ZNF512B: variants seen among roughly 807,000 people sequenced by gnomAD.
ZNF512B encodes the protein zinc finger protein 512B.
In ZNF512B, 22 loss-of-function variants were observed where a neutral mutation model predicts 87.8. That is an observed-to-expected ratio of 0.25 (90% CI 0.18 to 0.36). The LOEUF is 0.36. Among genes scored for constraint, ZNF512B ranks in the 10% least tolerant of loss-of-function variants. The pLI is 1.00. For missense variants in ZNF512B, 1,060 were observed against 1,231.6 expected (o/e 0.86, Z 2.09); for synonymous variants, 524 against 490.9 (o/e 1.07, Z -0.89).
At chr20:63,962,055 A>G in intron 14 of ZNF512B, 51 bp from the exon 15 acceptor site, 1 of 1,534,548 alleles carries the variant, frequency 6.5e-7, no homozygotes, top group Non-Finnish European at 8.8e-7. Context: ...ACCCCACACC[A>G]AGATATACCC....
intron 1 of ZNF512B, among the ~76,000 whole-genome samples, chr20:63,968,793 G>A (rs2058952987): frequency 6.6e-6 from 1 of 152,252 alleles, no homozygotes; most frequent in Non-Finnish European, 1.5e-5. Context: ...GAAGGCCCAG[G>A]ATGCTGGCCA....
rs572063904 is a variant in ZNF512B at position 63,964,096 on chromosome 20, C to T, written c.1455G>A (p.Pro485=). ...CTGGAGCTGGGTGGGCCACAGGGGC[C>T]GGTGCCTCCTTGCTGACAGTGATGG... The part of the protein sequence containing the change: ...AAPITVSKEA[P]APVAHPAPGG... The change falls in exon 8 of 17, where the codon CCG becomes CCA. Residue 485 remains proline (P), a synonymous_variant. Transcript: ENST00000369888. The T allele has an allele frequency of 4.8e-5, 77 of 1,609,712 alleles. No individual in the cohort carries two copies. Among genetic ancestry groups the T allele is most frequent in the African/African-American group, 4.5e-4 (34 of 74,872 alleles).
chr20:63,966,207 A>G lies in ZNF512B; in HGVS notation c.968T>C (p.Met323Thr). The G allele has an allele frequency of 6.2e-7, 1 of 1,613,896 alleles. No individual in the cohort carries two copies. The highest frequency in any genetic ancestry group is 1.3e-5 in the African/African-American group (1 of 75,030). ...AISRHTPPCK[M>T]VLLTRSENKA... ...GTTCTCCGACCTGGTCAGCAGCACC[A>G]TTTTGCAGGGCGGTGTGTGTCTGCT... Residue 323 changes from methionine (M) to threonine (T), a missense_variant, in exon 5 of 17, where the codon ATG (methionine) becomes ACG (threonine). By Grantham distance (81) the Met-to-Thr change is moderately conservative. Transcript: ENST00000369888.
chr20:63,966,116 C>T, intron 5 of ZNF512B, 25 bp downstream of exon 5: 2 of 1,190,176 alleles, frequency 1.7e-6, no homozygotes, highest in Non-Finnish European at 2.3e-6. Flanking sequence ...ACTGTTCCTC[C>T]CCGACCTGGG....
At position 63,966,876 on chromosome 20, in the gene ZNF512B, C is replaced by G; in HGVS notation, c.393G>C (p.Gly131=). The G allele has an allele frequency of 6.2e-7, 1 of 1,613,836 alleles. No homozygotes were observed. Among genetic ancestry groups the G allele is most frequent in the Non-Finnish European group, 8.5e-7 (1 of 1,180,022 alleles). ...GLKYHYQRCQ[G]GAISDRLAFP... ...TCTCCCCCGACCCACAGTCCCTTACCCCTTGGCACCGCTGGTAATGGTACT... is the reference window on the plus strand; with the variant it reads ...TCTCCCCCGACCCACAGTCCCTTACGCCTTGGCACCGCTGGTAATGGTACT... Residue 131 remains glycine, a splice_region_variant and synonymous_variant, in exon 4 of 17, where the codon GGG becomes GGC. Coordinates refer to ENST00000369888, the MANE Select transcript of ZNF512B (RefSeq NM_020713.3).
Position 63,966,935 on chromosome 20 carries a change from A to G in ZNF512B, c.334T>C (p.Cys112Arg). The G allele has an allele frequency of 6.2e-7, 1 of 1,613,810 alleles. No individual in the cohort carries two copies. The highest frequency in any genetic ancestry group is 8.5e-7 in the Non-Finnish European group (1 of 1,180,018). Residue 112 changes from cysteine to arginine, a missense_variant, in exon 4 of 17, where the codon TGC (cysteine) becomes CGC (arginine). Physicochemically the swap from Cys to Arg is radical, Grantham distance 180. Coordinates refer to ENST00000369888, the MANE Select transcript of ZNF512B (RefSeq NM_020713.3). ...HSRVKCPNSGCWLEFPSIYGL... is the reference protein window; with the variant it reads ...HSRVKCPNSGRWLEFPSIYGL... Reference sequence around the variant, plus strand: ...TAGATGCTGGGGAACTCCAGCCAGCACCCTGAGTTTGGACACTTCACCCTC... The same window carrying G: ...TAGATGCTGGGGAACTCCAGCCAGCGCCCTGAGTTTGGACACTTCACCCTC...
At chr20:63,968,215 C>A (rs1280358941) in intron 1 of ZNF512B, among the ~76,000 whole-genome samples, 1 of 152,232 alleles carries the variant, frequency 6.6e-6, no homozygotes, top group East Asian at 1.9e-4. Flanking sequence ...CCCTCACCAA[C>A]TTCCAGACCC....
Position 63,966,380 on chromosome 20 carries a change from C to T in ZNF512B, c.795G>A (p.Pro265=), listed in dbSNP as rs778398826. 12 of 1,613,494 alleles carry T rather than the reference C, an allele frequency of 7.4e-6. No individual in the cohort carries two copies. The highest frequency in any genetic ancestry group is 4.5e-5 in the East Asian group (2 of 44,898). ...TKPITVTKSV[P]VTKPVPVTKP... ...TGGTGACAGGTACGGGTTTGGTGAC[C>T]GGCACAGACTTGGTGACTGTGATGG... is the stretch of plus-strand genomic sequence containing the variant. Residue 265 remains proline, a synonymous_variant, in exon 5 of 17, where the codon CCG becomes CCA. Transcript: ENST00000369888.
chr20:63,966,637 C>G lies in ZNF512B; in HGVS notation c.538G>C (p.Val180Leu). The G allele has an allele frequency of 6.2e-7, 1 of 1,613,342 alleles. No individual in the cohort carries two copies. Among genetic ancestry groups the G allele is most frequent in the South Asian group, 1.1e-5 (1 of 91,080 alleles). ...ACCCCAACAGGCCGGCTGATGGTGACCGGCCTGCTGATGGGCCCAGGCTTG... is the reference window on the plus strand; with the variant it reads ...ACCCCAACAGGCCGGCTGATGGTGAGCGGCCTGCTGATGGGCCCAGGCTTG... ...ASKPGPISRP[V>L]TISRPVGVSK... The change falls in exon 5 of 17, where the codon GTC becomes CTC. Residue 180 changes from valine (V) to leucine (L), a missense_variant. Val to Leu is a conservative substitution (Grantham distance 32). This residue lies in a region of ZNF512B where 201 missense variants were observed against 226.8 expected (regional missense o/e 0.89). Transcript: ENST00000369888.
chr20:63,961,957 G>A lies in ZNF512B; in HGVS notation c.2313C>T (p.Leu771=), dbSNP rs747755341. The A allele has an allele frequency of 4.1e-5, 63 of 1,550,992 alleles. No individual in the cohort carries two copies. The highest frequency in any genetic ancestry group is 5.0e-5 in the Non-Finnish European group (57 of 1,146,926). The change falls in exon 15 of 17, where the codon CTC becomes CTT. Residue 771 remains leucine, a synonymous_variant. Transcript: ENST00000369888. The surrounding 1 kb of genome is among the most constrained non-coding windows in gnomAD (Gnocchi z 6.4). The part of the protein sequence containing the change: ...YSSVSGLKAH[L]ASCSKGAHLA... ...CAGAACTGACCTTACTGCAGCTGGC[G>A]AGATGAGCCTTGAGTCCGGACACGC...
chr20:63,967,555 C>T, intron 2 of ZNF512B, 32 bp from the exon 3 acceptor site: 5 of 1,555,804 alleles, frequency 3.2e-6, no homozygotes, highest in Non-Finnish European at 4.4e-6. Context: ...GGCTCGGAAG[C>T]TGTGTAGCAC....
rs2058891592 is a variant in ZNF512B at position 63,964,074 on chromosome 20, G to A, written c.1477C>T (p.Pro493Ser). The change falls in exon 8 of 17, where the codon CCA becomes TCA. Residue 493 changes from proline (P) to serine (S), a missense_variant. Around this residue, in one of 9 missense-constraint regions of ZNF512B, gnomAD observed 212 missense variants for 207.6 expected, o/e 1.02. Transcript: ENST00000369888. ...EAPAPVAHPA[P>S]GGPEEQWQRA... Reference sequence around the variant, plus strand: ...GCCCCTGCCAGGCAGCCCCTACCTGGAGCTGGGTGGGCCACAGGGGCCGGT... The same window carrying A: ...GCCCCTGCCAGGCAGCCCCTACCTGAAGCTGGGTGGGCCACAGGGGCCGGT... The A allele has an allele frequency of 1.2e-6, 2 of 1,607,780 alleles. No individual in the cohort carries two copies. Among genetic ancestry groups the A allele is most frequent in the Non-Finnish European group, 8.5e-7 (1 of 1,179,480 alleles).
In ZNF512B at chr20:63,961,192, TC is replaced by T; in HGVS notation, c.2427+116del. 5 of 901,324 alleles carry T rather than the reference TC, an allele frequency of 5.5e-6. No individual in the cohort carries two copies. The highest frequency in any genetic ancestry group is 2.2e-4 in the Middle Eastern group (1 of 4,460). 55.8% of individuals were successfully genotyped at this position (901,324 alleles called of 1,614,324 possible). A position where few individuals can be genotyped will look rare whatever the true frequency, so the allele number is the denominator to read the frequency against. On this transcript the variant is annotated intron_variant, in intron 16 of 16. Coordinates refer to ENST00000369888, the MANE Select transcript of ZNF512B (RefSeq NM_020713.3). The surrounding 1 kb of genome is among the most constrained non-coding windows in gnomAD (Gnocchi z 6.4). ...CCAGATTTCTCCACATTGGCCACTC[TC>T]CCAGGCACACCCCATGCAGGCCACT...
Position 63,962,707 on chromosome 20 carries a change from A to G in ZNF512B, c.2043T>C (p.Arg681=). The G allele has an allele frequency of 6.2e-7, 1 of 1,602,800 alleles. No individual in the cohort carries two copies. The highest frequency in any genetic ancestry group is 8.5e-7 in the Non-Finnish European group (1 of 1,176,350). The change falls in exon 13 of 17, where the codon CGT becomes CGC. Residue 681 remains arginine, a synonymous_variant. Coordinates refer to ENST00000369888, the MANE Select transcript of ZNF512B (RefSeq NM_020713.3). The part of the protein sequence containing the change: ...PLGVERTPSG[R]VRRTSAQVAV... ...CCACCTGGGCCGACGTGCGGCGGAC[A>G]CGCCCGCTTGGGGTCCGCTCCACAC...
At position 63,959,854 on chromosome 20, in the gene ZNF512B, C is replaced by A; in HGVS notation, c.*34G>T. On this transcript the variant is annotated 3_prime_UTR_variant, in exon 17 of 17. Coordinates refer to ENST00000369888, the MANE Select transcript of ZNF512B (RefSeq NM_020713.3). ...CTGCCTTGAACAGAGGGCGGTGTGG[C>A]GGCTGCATGGGGGCCAGGCCCCACG... The A allele has an allele frequency of 6.6e-7, 1 of 1,524,942 alleles. No individual in the cohort carries two copies. Among genetic ancestry groups the A allele is most frequent in the Non-Finnish European group, 8.7e-7 (1 of 1,146,332 alleles). The allele number at this position is 1,524,942 out of a possible 1,614,324, so 94.5% of individuals were successfully genotyped here. A position where few individuals can be genotyped will look rare whatever the true frequency, so the allele number is the denominator to read the frequency against.
intron 1 of ZNF512B, 78 bp from the exon 2 acceptor site, chr20:63,968,030 C>G: frequency 6.5e-7 from 1 of 1,532,238 alleles, no homozygotes; most frequent in Non-Finnish European, 8.8e-7. Context: ...TGGAGCCCTG[C>G]CCTTGGCAGG....
chr20:63,962,665 C>T lies in ZNF512B; in HGVS notation c.2085G>A (p.Gln695=), dbSNP rs148693919. The stretch of plus-strand genomic sequence containing the variant: ...GGGCCAGCTCGTCCTCCGCTATCTC[C>T]TGCAGGTGGAACACCGCCACCTGGG... The part of the protein sequence containing the change: ...TSAQVAVFHL[Q]EIAEDELARD... Residue 695 remains glutamine, a synonymous_variant, in exon 13 of 17, where the codon CAG becomes CAA. Coordinates refer to ENST00000369888, the MANE Select transcript of ZNF512B (RefSeq NM_020713.3). 6 of 1,606,506 alleles carry T rather than the reference C, an allele frequency of 3.7e-6. No homozygotes were observed. In the African/African-American group the frequency reaches 8.0e-5, roughly 21 times the overall value.
Position 63,962,020 on chromosome 20 carries a change from C to T in ZNF512B, c.2266-16G>A. On this transcript the variant is annotated splice_polypyrimidine_tract_variant and intron_variant, in intron 14 of 16. Coordinates refer to ENST00000369888, the MANE Select transcript of ZNF512B (RefSeq NM_020713.3). ...CTTCACAGCACTGCAGGGAAGGGAGCCGTGGGCGAAGGCCTCTGGTGGGCA... is the reference window on the plus strand; with the variant it reads ...CTTCACAGCACTGCAGGGAAGGGAGTCGTGGGCGAAGGCCTCTGGTGGGCA... The T allele has an allele frequency of 6.4e-7, 1 of 1,550,758 alleles. No homozygotes were observed. The highest frequency in any genetic ancestry group is 8.7e-7 in the Non-Finnish European group (1 of 1,146,832).
chr20:63,957,390 G>A lies in ZNF512B; in HGVS notation c.*2498C>T, dbSNP rs1410044360. Reference sequence around the variant, plus strand: ...AGCTATGCTGGTCCCTCTCACTGAGGGCTCCTGGAGGCCTATGTGGGCCAG... The same window carrying A: ...AGCTATGCTGGTCCCTCTCACTGAGAGCTCCTGGAGGCCTATGTGGGCCAG... On this transcript the variant is annotated 3_prime_UTR_variant, in exon 17 of 17. Transcript: ENST00000369888. 1 of 152,432 alleles carries A rather than the reference G, an allele frequency of 6.6e-6. No homozygotes were observed. The highest frequency in any genetic ancestry group is 1.5e-5 in the Non-Finnish European group (1 of 68,032). The allele number at this position is 152,432 out of a possible 1,614,324, so 9.4% of individuals were successfully genotyped here.
Sources: gnomAD v4.1 joint callset for allele counts (sites outside exome capture counted in the v4.1 genomes callset) on GRCh38, gnomAD v4.1.1 for gene constraint, gnomAD v4.1.1 regional missense constraint, Gnocchi (gnomAD v3.1) non-coding constraint, MANE v1.5 for transcripts, NCBI Gene and HGNC (gene_info 2026-07-23, HGNC 2026-07-21) for gene names.